EXOC4: variants seen among roughly 807,000 people sequenced by gnomAD.
EXOC4 encodes SEC8-like 1.
EXOC4 carries 71 observed loss-of-function variants against 107.2 expected under a neutral mutation model. The ratio of observed to expected loss-of-function variants is 0.66; its 90% CI spans 0.55 to 0.81. The LOEUF is 0.81. Ranked by LOEUF, EXOC4 falls within the 30% of genes least tolerant of loss-of-function variation. EXOC4 has a pLI of 0.00. For missense variants in EXOC4, 1,108 were observed against 1,189.6 expected (o/e 0.93, Z 1.01); for synonymous variants, 456 against 441.2 (o/e 1.03, Z -0.42).
chr7:134,045,598 T>C (rs1252556318), intron 17 of EXOC4, among the ~76,000 whole-genome samples: 8 of 152,226 alleles, frequency 5.3e-5, no homozygotes, highest in Non-Finnish European at 1.2e-4. Context: ...GGATTTGCAT[T>C]TTTATAACAG....
At chr7:133,563,364 A>G (rs541538306) in intron 9 of EXOC4, among the ~76,000 whole-genome samples, 65 of 152,346 alleles carry the variant, frequency 4.3e-4, no homozygotes, top group African/African-American at 1.5e-3. Context: ...TCTGTAAAGC[A>G]TTGACTTTAA....
In EXOC4 at chr7:134,055,005, C is replaced by T. The variant is rs143854505; in HGVS notation, c.2688-9286C>T. ...TAGCTTTGGTTTATTTAGGTTTTCT[C>T]TCTTTCATAAATTACCTAAGGATTT... On this transcript the variant is annotated intron_variant, in intron 17 of 17. Transcript: ENST00000253861. 6.6e-3 allele frequency among the ~76,000 whole-genome samples: 1,004 copies of T among 152,304 alleles called. 12 individuals are homozygous for T. Among genetic ancestry groups the T allele is most frequent in the African/African-American group, 0.023 (937 of 41,568 alleles).
intron 10 of EXOC4, among the ~76,000 whole-genome samples, chr7:133,710,630 A>G (rs1260671822): frequency 1.4e-5 from 2 of 146,800 alleles, no homozygotes; most frequent in Non-Finnish European, 3.0e-5. Flanking sequence ...ACTGCACTCC[A>G]GCCTGGGCGA....
chr7:133,713,177 A>G (rs2151098598), intron 10 of EXOC4, among the ~76,000 whole-genome samples: 1 of 152,318 alleles, frequency 6.6e-6, no homozygotes, highest in South Asian at 2.1e-4. Flanking sequence ...GGGAAGACAA[A>G]GTAAAGGGTT....
At chr7:134,045,109 A>G (rs957396948) in intron 17 of EXOC4, among the ~76,000 whole-genome samples, 2 of 152,216 alleles carry the variant, frequency 1.3e-5, no homozygotes, top group African/African-American at 4.8e-5. Flanking sequence ...GTATATAGTA[A>G]GTGTTAAATG....
At chr7:133,669,230 G>A (rs976635860) in intron 10 of EXOC4, among the ~76,000 whole-genome samples, 1 of 152,180 alleles carries the variant, frequency 6.6e-6, no homozygotes, top group South Asian at 2.1e-4. Flanking sequence ...TCTGGTGGAT[G>A]CAGCCTTTAC....
chr7:133,932,911 GGA>G (rs10561566), intron 13 of EXOC4, among the ~76,000 whole-genome samples: 89,947 of 149,146 alleles, frequency 0.6, 28,794 homozygotes, highest in African/African-American at 0.84. Context: ...AATAGGACCA[GGA>G]GAGAGAGAGA....
At chr7:133,896,182 A>G (rs1355810374) in intron 12 of EXOC4, among the ~76,000 whole-genome samples, 1 of 152,188 alleles carries the variant, frequency 6.6e-6, no homozygotes, top group Non-Finnish European at 1.5e-5. Context: ...ACAAAAGAAC[A>G]GTTACCCCTG....
chr7:133,458,221 C>G (rs1798508445), intron 7 of EXOC4, among the ~76,000 whole-genome samples: 1 of 152,124 alleles, frequency 6.6e-6, no homozygotes, highest in South Asian at 2.1e-4. Context: ...GCTGGAGAAT[C>G]TGAGATTAAG....
chr7:133,878,386 GTTCC>G (rs1798894051), intron 11 of EXOC4, among the ~76,000 whole-genome samples: 1 of 152,196 alleles, frequency 6.6e-6, no homozygotes, highest in African/African-American at 2.4e-5. Context: ...GCTGTGGCAT[GTTCC>G]ATCTTCTGTA....
chr7:133,840,494 T>TTTTATTTATTTATTTA lies in EXOC4; in HGVS notation c.1734+22962_1734+22977dup, dbSNP rs200907309. ...GTTTTATTTATTATTTTTTATTGTA[T>TTTTATTTATTTATTTA]TTTATTTATTTATTTATTTATTTAT... is the stretch of plus-strand genomic sequence containing the variant. On this transcript the variant is annotated intron_variant, in intron 11 of 17. Coordinates refer to ENST00000253861, the MANE Select transcript of EXOC4 (RefSeq NM_021807.4). Among the ~76,000 whole-genome samples, 166 of 151,298 alleles carry TTTTATTTATTTATTTA rather than the reference T, an allele frequency of 1.1e-3. 1 individual carries two copies. Among genetic ancestry groups the TTTTATTTATTTATTTA allele is most frequent in the African/African-American group, 3.9e-3 (159 of 40,900 alleles).
intron 14 of EXOC4, among the ~76,000 whole-genome samples, chr7:133,944,893 A>G (rs1484194733): frequency 6.6e-6 from 1 of 152,196 alleles, no homozygotes. Flanking sequence ...TTAATTTCAA[A>G]CAAAACCATG....
chr7:133,380,407 G>GT (rs1387005867), intron 7 of EXOC4, among the ~76,000 whole-genome samples: 2 of 151,710 alleles, frequency 1.3e-5, no homozygotes, highest in African/African-American at 4.8e-5. Context: ...GATTTCAGTG[G>GT]TTTTTTAATT....
intron 7 of EXOC4, among the ~76,000 whole-genome samples, chr7:133,397,555 G>A (rs559478327): frequency 6.6e-6 from 1 of 152,166 alleles, no homozygotes; most frequent in Admixed American, 6.5e-5. Flanking sequence ...CATTTTCACA[G>A]TACATGCTCA....
intron 15 of EXOC4, among the ~76,000 whole-genome samples, chr7:134,003,867 A>G (rs1234658762): frequency 6.6e-6 from 1 of 151,946 alleles, no homozygotes; most frequent in Non-Finnish European, 1.5e-5. Flanking sequence ...ATCCATACCC[A>G]CCTCAGACTT....
chr7:133,814,037 A>G lies in EXOC4; in HGVS notation c.1515-3288A>G, dbSNP rs181434069. 9.3e-4 allele frequency among the ~76,000 whole-genome samples: 141 copies of G among 152,292 alleles called. 1 individual carries two copies. In the East Asian group the frequency reaches 0.017, roughly 18 times the overall value. ...TGTGTAGGCAATTTTAAAATTTTCTAATTTAATGTTATTTGAGTAGCTAAT... is the reference window on the plus strand; with the variant it reads ...TGTGTAGGCAATTTTAAAATTTTCTGATTTAATGTTATTTGAGTAGCTAAT... On this transcript the variant is annotated intron_variant, in intron 10 of 17. Coordinates refer to ENST00000253861, the MANE Select transcript of EXOC4 (RefSeq NM_021807.4).
At chr7:133,595,137 T>A (rs2150981979) in intron 9 of EXOC4, among the ~76,000 whole-genome samples, 1 of 152,012 alleles carries the variant, frequency 6.6e-6, no homozygotes, top group South Asian at 2.1e-4. Context: ...CAGAGAGAAC[T>A]TTTTTCCCCA....
intron 17 of EXOC4, among the ~76,000 whole-genome samples, chr7:134,032,179 T>A (rs1194644212): frequency 1.3e-5 from 2 of 152,214 alleles, no homozygotes; most frequent in Non-Finnish European, 2.9e-5. Context: ...ACTGAAGTTT[T>A]TTCTTATAAC....
At chr7:133,999,333 G>A (rs1794474387) in intron 15 of EXOC4, among the ~76,000 whole-genome samples, 1 of 152,134 alleles carries the variant, frequency 6.6e-6, no homozygotes, top group Non-Finnish European at 1.5e-5. Flanking sequence ...CTCCTTGTGT[G>A]TGCTACTTGC....
Sources: allele counts gnomAD v4.1 joint callset (sites outside exome capture counted in the v4.1 genomes callset), GRCh38; gene constraint gnomAD v4.1.1; transcripts MANE v1.5; gene names NCBI Gene and HGNC (gene_info 2026-07-23, HGNC 2026-07-21).